The following HCRTR2 variants were observed in gnomAD, a reference collection of about 807,000 sequenced individuals.
HCRTR2 encodes hypocretin receptor 2.
HCRTR2 carries 22 observed loss-of-function variants against 49.0 expected under a neutral mutation model. The ratio of observed to expected loss-of-function variants is 0.45; its 90% confidence interval spans 0.32 to 0.64. The LOEUF (loss-of-function observed/expected upper bound fraction) is 0.64. Ranked by LOEUF, HCRTR2 falls within the 30% of genes least tolerant of loss-of-function variation. HCRTR2 has a pLI of 0.04. For missense variants in HCRTR2, 491 were observed against 559.4 expected, an observed-to-expected ratio of 0.88 and a Z score of 1.23; for synonymous variants, 236 against 205.3, an observed-to-expected ratio of 1.15 and a Z score of -1.28.
chr6:55,271,468 G>A (rs1766970943), intron 4 of HCRTR2, among the ~76,000 whole-genome samples: 1 of 151,968 alleles, frequency 6.6e-6, no homozygotes, highest in Admixed American at 6.6e-5. Flanking sequence ...CATGACCTTG[G>A]CTTAACCAAT....
intron 1 of HCRTR2, among the ~76,000 whole-genome samples, chr6:55,206,626 A>G (rs541831505): frequency 1.3e-5 from 2 of 152,168 alleles, no homozygotes; most frequent in East Asian, 1.9e-4. Flanking sequence ...TTCTAAAAAT[A>G]TCAGCAAACC....
chr6:55,212,095 A>G (rs1226967113), intron 1 of HCRTR2, among the ~76,000 whole-genome samples: 1 of 152,158 alleles, frequency 6.6e-6, no homozygotes. Flanking sequence ...TCCATATCTC[A>G]AGATCATGCT....
intron 3 of HCRTR2, among the ~76,000 whole-genome samples, chr6:55,262,804 A>G (rs1766792716): frequency 6.8e-6 from 1 of 148,146 alleles, no homozygotes; most frequent in African/African-American, 2.5e-5. Flanking sequence ...GAGCATTTAC[A>G]AAGTTAGTAA....
At chr6:55,193,291 CAG>C (rs1765352573) in intron 1 of HCRTR2, among the ~76,000 whole-genome samples, 1 of 152,058 alleles carries the variant, frequency 6.6e-6, no homozygotes, top group Non-Finnish European at 1.5e-5. Flanking sequence ...GAGATATAAA[CAG>C]AGTACTGTGG....
At chr6:55,272,950 GAGA>G (rs1171110008) in intron 4 of HCRTR2, among the ~76,000 whole-genome samples, 1 of 150,912 alleles carries the variant, frequency 6.6e-6, no homozygotes, top group East Asian at 2.0e-4. Flanking sequence ...GAGGCATAGT[GAGA>G]AGATCAGTTA....
At chr6:55,156,013 G>C (rs1764725582) in intron 1 of HCRTR2, among the ~76,000 whole-genome samples, 1 of 151,884 alleles carries the variant, frequency 6.6e-6, no homozygotes, top group Non-Finnish European at 1.5e-5. Context: ...AAAATGAGGG[G>C]AAAAACCCCA....
intron 3 of HCRTR2, among the ~76,000 whole-genome samples, chr6:55,257,675 T>C (rs1766678973): frequency 6.6e-6 from 1 of 151,860 alleles, no homozygotes; most frequent in South Asian, 2.1e-4. Flanking sequence ...TACATAAAGC[T>C]CATTTCTACT....
intron 4 of HCRTR2, among the ~76,000 whole-genome samples, chr6:55,271,494 C>T (rs1766971613): frequency 6.6e-6 from 1 of 152,022 alleles, no homozygotes. Flanking sequence ...CTAAATATGA[C>T]ACCAAAACCA....
At chr6:55,161,830 G>T (rs1764809963) in intron 1 of HCRTR2, among the ~76,000 whole-genome samples, 1 of 152,040 alleles carries the variant, frequency 6.6e-6, no homozygotes, top group South Asian at 2.1e-4. Context: ...CTGAAATTGA[G>T]GCAGTAATTA....
chr6:55,209,978 T>G (rs1765669177), intron 1 of HCRTR2, among the ~76,000 whole-genome samples: 1 of 152,140 alleles, frequency 6.6e-6, no homozygotes, highest in Non-Finnish European at 1.5e-5. Flanking sequence ...TTATAATTGG[T>G]AAATTATTAC....
intron 3 of HCRTR2, 33 bp from the exon 4 acceptor site, chr6:55,263,674 C>T (rs201830373): frequency 1.6e-5 from 18 of 1,117,062 alleles, no homozygotes; most frequent in Middle Eastern, 1.9e-4. Context: ...TCAATTGTAA[C>T]GTAAGGTTTT....
rs964657430 is a variant in HCRTR2, at chr6:55,266,460, G to T, written c.762+2638G>T. Among the ~76,000 whole-genome samples, 14 of 152,138 alleles carry T rather than the reference G, an allele frequency of 9.2e-5. 1 individual carries two copies. The highest frequency in any genetic ancestry group is 6.5e-4 in the Admixed American group (10 of 15,268). ...TGCCCAGTTACTCCGATAAACATTT[G>T]TAGAAATGGATTAGAATCTGAAAAA... On this transcript the variant is annotated intron_variant, in intron 4 of 6. Coordinates refer to ENST00000370862, the MANE Select transcript of HCRTR2 (RefSeq NM_001384272.1).
intron 4 of HCRTR2, among the ~76,000 whole-genome samples, chr6:55,269,855 T>C (rs1766938279): frequency 6.6e-6 from 1 of 152,012 alleles, no homozygotes; most frequent in South Asian, 2.1e-4. Context: ...TCCCAGCTAC[T>C]CAGGAAGCTG....
chr6:55,236,957 T>C (rs1033793626), intron 1 of HCRTR2, among the ~76,000 whole-genome samples: 2 of 152,170 alleles, frequency 1.3e-5, no homozygotes, highest in Admixed American at 6.5e-5. Flanking sequence ...ACAGGTATAA[T>C]AGAATTTTCA....
intron 1 of HCRTR2, among the ~76,000 whole-genome samples, chr6:55,202,039 A>G (rs2127284976): frequency 6.6e-6 from 1 of 152,320 alleles, no homozygotes; most frequent in Non-Finnish European, 1.5e-5. Flanking sequence ...ATTAAATGTA[A>G]GTTCCTGCAC....
chr6:55,130,228 T>C (rs1472087936), intron 1 of HCRTR2, among the ~76,000 whole-genome samples: 1 of 151,908 alleles, frequency 6.6e-6, no homozygotes. Context: ...ACCTGATCTC[T>C]TCACTTGTGA....
chr6:55,154,943 A>G lies in HCRTR2; in HGVS notation c.-377-19268A>G, dbSNP rs905849174. ...TAATTCTATATAATAGCAACAAACT[A>G]TTTCATAAGGAAATTAAGGAAACAA... On this transcript the variant is annotated intron_variant, in intron 1 of 7. Transcript: ENST00000615358. 2.6e-5 allele frequency among the ~76,000 whole-genome samples: 4 copies of G among 151,992 alleles called. No homozygotes were observed. The South Asian group carries it at 6.2e-4, about 24-fold the overall frequency.
chr6:55,262,133 T>G (rs1226925127), intron 3 of HCRTR2, among the ~76,000 whole-genome samples: 1 of 151,132 alleles, frequency 6.6e-6, no homozygotes, highest in Non-Finnish European at 1.5e-5. Flanking sequence ...GGAGAGGGGG[T>G]GAAGGATAAA....
intron 1 of HCRTR2, among the ~76,000 whole-genome samples, chr6:55,161,762 A>G (rs1197046019): frequency 6.6e-6 from 1 of 152,036 alleles, no homozygotes; most frequent in Non-Finnish European, 1.5e-5. Flanking sequence ...GGACACATAC[A>G]CCTTCCCAAG....
Sources: gnomAD v4.1 joint callset for allele counts (sites outside exome capture counted in the v4.1 genomes callset) on GRCh38, gnomAD v4.1.1 for gene constraint, MANE v1.5 for transcripts, NCBI Gene and HGNC (gene_info 2026-07-23, HGNC 2026-07-21) for gene names.